The following PRKCB variants were observed in gnomAD, a reference collection of about 807,000 sequenced individuals.
PRKCB encodes protein kinase C beta, also known as protein kinase C beta type.
PRKCB carries 13 observed loss-of-function variants against 81.5 expected under a neutral mutation model. The observed-to-expected ratio is 0.16, with a 90% CI of 0.10 to 0.25. PRKCB has a LOEUF of 0.25. Ranked by LOEUF, PRKCB falls within the 10% of genes least tolerant of loss-of-function variation. PRKCB has a pLI of 1.00. For missense variants in PRKCB, 509 were observed against 875.7 expected (o/e 0.58, Z 5.29); for synonymous variants, 335 against 321.4 (o/e 1.04, Z -0.45).
chr16:23,953,308 A>G (rs1427895045), intron 2 of PRKCB, among the ~76,000 whole-genome samples: 1 of 152,130 alleles, frequency 6.6e-6, no homozygotes, highest in Non-Finnish European at 1.5e-5. Context: ...ACATTTAGAA[A>G]CCATCAACAA....
At chr16:23,885,603 G>A (rs1479301279) in intron 2 of PRKCB, among the ~76,000 whole-genome samples, 2 of 134,662 alleles carry the variant, frequency 1.5e-5, no homozygotes, top group Non-Finnish European at 2.9e-5. Flanking sequence ...CACTGTGCCT[G>A]GCCTATCCAC....
At chr16:23,888,821 C>G (rs1285040028) in intron 2 of PRKCB, among the ~76,000 whole-genome samples, 1 of 152,142 alleles carries the variant, frequency 6.6e-6, no homozygotes, top group African/African-American at 2.4e-5. Context: ...CTGGAAGGGT[C>G]TCACTAGCAA....
chr16:24,128,667 GA>G (rs1320948890), intron 9 of PRKCB, among the ~76,000 whole-genome samples: 1 of 152,164 alleles, frequency 6.6e-6, no homozygotes, highest in Non-Finnish European at 1.5e-5. Context: ...TTTTAATACA[GA>G]GCATTCAAAC....
rs1259706821 is a variant in PRKCB, at chr16:24,108,979, G to GGGCT, written c.822-3993_822-3992insGCTG. On this transcript the variant is annotated intron_variant, in intron 7 of 16. Transcript: ENST00000643927. ...CGGATGGGGGGGCTGGCCGGGCGGG[G>GGGCT]GACTGACCCCCCCACCTCCCTCCCG... is the stretch of plus-strand genomic sequence containing the variant. Among the ~76,000 whole-genome samples the GGGCT allele has an allele frequency of 6.5e-3, 939 of 145,506 alleles. 214 individuals are homozygous for GGGCT. The highest frequency in any genetic ancestry group is 0.015 in the Middle Eastern group (4 of 264).
chr16:24,016,161 G>C (rs981255118), intron 3 of PRKCB, among the ~76,000 whole-genome samples: 1 of 152,070 alleles, frequency 6.6e-6, no homozygotes, highest in East Asian at 1.9e-4. Context: ...GACAGTTAAG[G>C]TTAACTAGGG....
chr16:23,993,295 C>G (rs1283028187), intron 3 of PRKCB, among the ~76,000 whole-genome samples: 5 of 152,144 alleles, frequency 3.3e-5, no homozygotes, highest in Admixed American at 3.3e-4. Context: ...TAGAAGTTCA[C>G]TAAGCAGAGA....
chr16:23,943,800 C>T lies in PRKCB; in HGVS notation c.206-44708C>T, dbSNP rs148321695. ...GCTTTGTTTCACAGATACCATCAAG[C>T]CTAACCTTTATTGTGGGCTTACTAT... On this transcript the variant is annotated intron_variant, in intron 2 of 16. Transcript: ENST00000643927. Among the ~76,000 whole-genome samples the T allele has an allele frequency of 3.9e-4, 59 of 152,262 alleles. No individual in the cohort carries two copies. In the East Asian group the frequency reaches 7.7e-3, roughly 20 times the overall value.
At chr16:24,139,200 AAGGTG>A (rs1168768633) in intron 9 of PRKCB, among the ~76,000 whole-genome samples, 44 of 141,688 alleles carry the variant, frequency 3.1e-4, no homozygotes, top group African/African-American at 1.2e-3. Flanking sequence ...GGATAAGGAT[AAGGTG>A]CTCCAAGTTC....
intron 3 of PRKCB, among the ~76,000 whole-genome samples, chr16:24,027,414 A>T (rs1023234214): frequency 2.0e-5 from 3 of 152,178 alleles, no homozygotes; most frequent in Non-Finnish European, 4.4e-5. Flanking sequence ...AGATAGAGAC[A>T]TGGCTGGTTA....
At chr16:24,061,846 A>T (rs1965976103) in intron 5 of PRKCB, among the ~76,000 whole-genome samples, 1 of 151,640 alleles carries the variant, frequency 6.6e-6, no homozygotes, top group Non-Finnish European at 1.5e-5. Context: ...TGGAGCGACA[A>T]AGCAATCTAA....
chr16:23,908,498 C>T (rs996318591), intron 2 of PRKCB, among the ~76,000 whole-genome samples: 1 of 152,000 alleles, frequency 6.6e-6, no homozygotes. Flanking sequence ...TCAGGAGTGC[C>T]TTGGGTGCCT....
chr16:24,199,996 A>C (rs1351573449), intron 16 of PRKCB, among the ~76,000 whole-genome samples: 2 of 152,250 alleles, frequency 1.3e-5, no homozygotes, highest in African/African-American at 4.8e-5. Context: ...TATTCTTACA[A>C]TTCAAATGAT....
intron 3 of PRKCB, among the ~76,000 whole-genome samples, chr16:24,013,136 C>T (rs1373141700): frequency 1.3e-5 from 2 of 152,176 alleles, no homozygotes; most frequent in African/African-American, 4.8e-5. Context: ...GCATCACTTC[C>T]TCAGGGAAGC....
intron 6 of PRKCB, 58 bp downstream of exon 6, chr16:24,093,005 G>A (rs1213223658): frequency 1.5e-5 from 24 of 1,555,148 alleles, no homozygotes; most frequent in Non-Finnish European, 2.1e-5. Context: ...TGTGCCACCT[G>A]AAATCAGGGA....
chr16:23,993,891 G>A (rs1205070077), intron 3 of PRKCB, among the ~76,000 whole-genome samples: 1 of 152,126 alleles, frequency 6.6e-6, no homozygotes, highest in Non-Finnish European at 1.5e-5. Context: ...GATCTGTATA[G>A]CAGAAAAATT....
At chr16:23,992,077 A>G (rs1029790997) in intron 3 of PRKCB, among the ~76,000 whole-genome samples, 2 of 152,240 alleles carry the variant, frequency 1.3e-5, no homozygotes, top group Non-Finnish European at 2.9e-5. Context: ...CCCTTCTACC[A>G]TGTGAGGTTG....
At chr16:24,209,105 T>C (rs1012927025) in intron 16 of PRKCB, among the ~76,000 whole-genome samples, 2 of 152,172 alleles carry the variant, frequency 1.3e-5, no homozygotes, top group Admixed American at 1.3e-4. Context: ...AGCCTTCTGG[T>C]GTGGATGGGA....
chr16:24,064,998 A>G (rs890728421), intron 5 of PRKCB, among the ~76,000 whole-genome samples: 1 of 148,028 alleles, frequency 6.8e-6, no homozygotes, highest in Non-Finnish European at 1.5e-5. Flanking sequence ...GTGTGTGTAT[A>G]TATATATATA....
intron 5 of PRKCB, among the ~76,000 whole-genome samples, chr16:24,079,935 T>C (rs1402152096): frequency 6.6e-6 from 1 of 152,234 alleles, no homozygotes; most frequent in East Asian, 1.9e-4. Context: ...GGACGAATGG[T>C]TATTGAATTT....
Sources: allele counts gnomAD v4.1 joint callset (sites outside exome capture counted in the v4.1 genomes callset), GRCh38; gene constraint gnomAD v4.1.1; transcripts MANE v1.5; gene names NCBI Gene and HGNC (gene_info 2026-07-23, HGNC 2026-07-21).